Variants in ARIH1 observed in about 807,000 individuals in gnomAD.
The protein encoded by ARIH1 is E3 ubiquitin-protein ligase ARIH1.
In ARIH1, 8 loss-of-function variants were observed where a neutral mutation model predicts 85.0. The observed-to-expected ratio is 0.09, with a 90% CI of 0.06 to 0.17. The LOEUF (loss-of-function observed/expected upper bound fraction) is 0.17, where lower values mean the gene tolerates loss of function less well. Among genes scored for constraint, ARIH1 ranks in the 10% least tolerant of loss-of-function variants. The pLI is 1.00. For synonymous variants in ARIH1, 238 were observed against 253.6 expected, an observed-to-expected ratio of 0.94 and a Z score of 0.59; for missense variants, 311 against 718.1, an observed-to-expected ratio of 0.43 and a Z score of 6.48.
At chr15:72,485,911 G>A (rs1567336789) in intron 1 of ARIH1, among the ~76,000 whole-genome samples, 1 of 152,170 alleles carries the variant, frequency 6.6e-6, no homozygotes, top group Admixed American at 6.5e-5. Context: ...GGATGAGATA[G>A]TAATCAGGCT....
rs560095384 is a variant in ARIH1 at position 72,599,604 on chromosome 15, T to C, written c.*16312T>C. ...CCTGGCCTCCTACCTCGACTTCTCA[T>C]AGTTCTGGCGTGAGCTACTGCACCT... On this transcript the variant is annotated 3_prime_UTR_variant, in exon 14 of 14. Transcript: ENST00000379887. The C allele has an allele frequency of 6.3e-4, 96 of 152,336 alleles. No homozygotes were observed. Among genetic ancestry groups the C allele is most frequent in the African/African-American group, 2.2e-3 (92 of 41,582 alleles). 9.4% of individuals were successfully genotyped at this position (152,336 alleles called of 1,614,324 possible). A position where few individuals can be genotyped will look rare whatever the true frequency, so the allele number is the denominator to read the frequency against.
intron 11 of ARIH1, among the ~76,000 whole-genome samples, chr15:72,576,941 C>T (rs911088680): frequency 3.9e-5 from 6 of 151,946 alleles, no homozygotes; most frequent in African/African-American, 1.2e-4. Flanking sequence ...AGTCAATTAA[C>T]ACATATTTTG....
chr15:72,581,161 T>C (rs888967728), intron 12 of ARIH1, among the ~76,000 whole-genome samples, 170 bp downstream of exon 12: 3 of 152,202 alleles, frequency 2.0e-5, no homozygotes, highest in African/African-American at 7.2e-5. Flanking sequence ...TCCTAAATTA[T>C]ATTCAGATCG....
chr15:72,539,466 A>G (rs1422704168), intron 2 of ARIH1, among the ~76,000 whole-genome samples: 1 of 152,214 alleles, frequency 6.6e-6, no homozygotes, highest in Non-Finnish European at 1.5e-5. Flanking sequence ...AAAAAAAGAA[A>G]GGATAAATAA....
In ARIH1 at chr15:72,576,048, A is replaced by G. The variant is rs558193598; in HGVS notation, c.1215+3883A>G. Among the ~76,000 whole-genome samples, 316 of 152,256 alleles carry G rather than the reference A, an allele frequency of 2.1e-3. 2 individuals carry two copies. Among genetic ancestry groups the G allele is most frequent in the African/African-American group, 7.4e-3 (309 of 41,536 alleles). ...TTGGTTTTTTGAAGTGTTTCGTTGT[A>G]TAATGCTGGATCATGTGGTTAGCTA... is the stretch of plus-strand genomic sequence containing the variant. On this transcript the variant is annotated intron_variant, in intron 11 of 13. Coordinates refer to ENST00000379887, the MANE Select transcript of ARIH1 (RefSeq NM_005744.5).
intron 2 of ARIH1, among the ~76,000 whole-genome samples, chr15:72,540,890 A>T (rs1168954680): frequency 6.6e-6 from 1 of 152,146 alleles, no homozygotes; most frequent in African/African-American, 2.4e-5. Flanking sequence ...AATGCTGCAA[A>T]CTCCAGTACA....
intron 7 of ARIH1, 29 bp from the exon 8 acceptor site, chr15:72,566,534 T>G (rs1056185912): frequency 8.1e-6 from 13 of 1,597,530 alleles, no homozygotes; most frequent in Non-Finnish European, 1.1e-5. Context: ...TAGGCCTTAA[T>G]TCTATTAACT....
chr15:72,487,618 CT>C (rs146574996), intron 1 of ARIH1, among the ~76,000 whole-genome samples: 2 of 149,218 alleles, frequency 1.3e-5, no homozygotes, highest in African/African-American at 2.5e-5. Flanking sequence ...TTGAGTCATC[CT>C]TTTTTTTTTC....
chr15:72,474,672 C>A lies in ARIH1; in HGVS notation c.33C>A (p.Phe11Leu), dbSNP rs1195230372. 5 of 1,563,054 alleles carry A rather than the reference C, an allele frequency of 3.2e-6. No homozygotes were observed. Among genetic ancestry groups the A allele is most frequent in the Non-Finnish European group, 1.7e-6 (2 of 1,156,266 alleles). The change falls in exon 1 of 14, where the codon TTC (phenylalanine) becomes TTA (leucine). Residue 11 changes from phenylalanine (F) to leucine (L), a missense_variant. Around this residue, in one of 3 missense-constraint regions of ARIH1, gnomAD observed 157 missense variants for 185.1 expected, o/e 0.85. Transcript: ENST00000379887. Reference sequence around the variant, plus strand: ...CGGACGAGGGCTACAACTACGAGTTCGACGAGGACGAGGAGTGCAGTGAGG... The same window carrying A: ...CGGACGAGGGCTACAACTACGAGTTAGACGAGGACGAGGAGTGCAGTGAGG... Reference protein sequence around the residue: MDSDEGYNYEFDEDEECSEED... With the variant: MDSDEGYNYELDEDEECSEED...
Position 72,598,946 on chromosome 15 carries a change from A to G in ARIH1, c.*15654A>G, listed in dbSNP as rs1407837462. 6.7e-6 allele frequency: 1 copy of G among 148,558 alleles called. No homozygotes were observed. Among genetic ancestry groups the G allele is most frequent in the Non-Finnish European group, 1.5e-5 (1 of 67,376 alleles). The allele number at this position is 148,558 out of a possible 1,614,324, so 9.2% of individuals were successfully genotyped here. A position where few individuals can be genotyped will look rare whatever the true frequency, so the allele number is the denominator to read the frequency against. On this transcript the variant is annotated 3_prime_UTR_variant, in exon 14 of 14. Coordinates refer to ENST00000379887, the MANE Select transcript of ARIH1 (RefSeq NM_005744.5). Reference sequence around the variant, plus strand: ...TGTGATCCTCCCACCTTGGTTTTCCAAAGTGCTGGGATTAAAGGCATGAGC... The same window carrying G: ...TGTGATCCTCCCACCTTGGTTTTCCGAAGTGCTGGGATTAAAGGCATGAGC...
intron 11 of ARIH1, among the ~76,000 whole-genome samples, chr15:72,576,898 C>A (rs1488775914): frequency 6.6e-6 from 1 of 152,078 alleles, no homozygotes; most frequent in Non-Finnish European, 1.5e-5. Context: ...GTTTTAATAG[C>A]CTACTGATGA....
intron 9 of ARIH1, among the ~76,000 whole-genome samples, chr15:72,569,906 T>TAC (rs1427664038): frequency 2.0e-5 from 3 of 152,156 alleles, no homozygotes; most frequent in African/African-American, 7.2e-5. Flanking sequence ...GCCACTGCAC[T>TAC]ACAGCCTAGG....
At chr15:72,541,777 T>C (rs2140422587) in intron 2 of ARIH1, among the ~76,000 whole-genome samples, 1 of 152,340 alleles carries the variant, frequency 6.6e-6, no homozygotes, top group South Asian at 2.1e-4. Flanking sequence ...AGAAACTAAG[T>C]GCTTGTAACA....
intron 10 of ARIH1, 113 bp from the exon 11 acceptor site, chr15:72,571,995 A>G (rs1236270310): frequency 1.4e-6 from 1 of 714,704 alleles, no homozygotes; most frequent in African/African-American, 1.8e-5. Flanking sequence ...TCTGTTATAA[A>G]AGATAACGTT....
chr15:72,571,417 T>C (rs1403846242), intron 10 of ARIH1, among the ~76,000 whole-genome samples: 1 of 152,206 alleles, frequency 6.6e-6, no homozygotes, highest in Non-Finnish European at 1.5e-5. Flanking sequence ...ACTCATGAAA[T>C]AGCTGCTCCC....
At chr15:72,493,715 A>G (rs1025947018) in intron 1 of ARIH1, among the ~76,000 whole-genome samples, 7 of 152,160 alleles carry the variant, frequency 4.6e-5, no homozygotes, top group African/African-American at 1.4e-4. Context: ...TTGCATTGCA[A>G]ACTTATCTTT....
At chr15:72,499,614 T>C (rs1344738453) in intron 1 of ARIH1, among the ~76,000 whole-genome samples, 1 of 152,222 alleles carries the variant, frequency 6.6e-6, no homozygotes, top group East Asian at 1.9e-4. Flanking sequence ...TTCTAAGTAG[T>C]GTATTATGAT....
Position 72,587,090 on chromosome 15 carries a change from C to T in ARIH1, c.*3798C>T. 9.8e-6 allele frequency: 4 copies of T among 406,990 alleles called. No homozygotes were observed. The highest frequency in any genetic ancestry group is 7.6e-5 in the East Asian group (1 of 13,152). The allele number at this position is 406,990 out of a possible 1,614,324, so 25.2% of individuals were successfully genotyped here. Reference sequence around the variant, plus strand: ...TAATTATGGGAGTTTATCACTTTTCCTCTTCAAAGCACTTCAACTTACTGT... The same window carrying T: ...TAATTATGGGAGTTTATCACTTTTCTTCTTCAAAGCACTTCAACTTACTGT... On this transcript the variant is annotated 3_prime_UTR_variant, in exon 14 of 14. Transcript: ENST00000379887.
At chr15:72,507,682 T>A (rs2063932096) in intron 1 of ARIH1, among the ~76,000 whole-genome samples, 1 of 152,050 alleles carries the variant, frequency 6.6e-6, no homozygotes, top group Non-Finnish European at 1.5e-5. Context: ...TAAAAATAAA[T>A]AAATAAATAA....
Sources: allele counts gnomAD v4.1 joint callset (sites outside exome capture counted in the v4.1 genomes callset), GRCh38; gene constraint gnomAD v4.1.1; regional missense constraint gnomAD v4.1.1; transcripts MANE v1.5; gene names NCBI Gene and HGNC (gene_info 2026-07-23, HGNC 2026-07-21).